The following TNRC6B variants were observed in gnomAD, a reference collection of about 807,000 sequenced individuals.
The protein encoded by TNRC6B is trinucleotide repeat-containing gene 6B protein.
Under a neutral mutation model 203.6 loss-of-function variants are expected in TNRC6B, and 52 were observed. That is an observed-to-expected ratio of 0.26 (90% CI 0.20 to 0.32). The LOEUF is 0.32. TNRC6B is among the 10% of genes least tolerant of loss of function. The pLI, the probability that TNRC6B is intolerant of heterozygous loss-of-function variation, is 1.00. For missense variants in TNRC6B, 1,923 were observed against 2,286.2 expected (o/e 0.84, Z 3.24); for synonymous variants, 838 against 845.7 (o/e 0.99, Z 0.16).
At chr22:40,108,258 G>T (rs1202577148) in intron 1 of TNRC6B, among the ~76,000 whole-genome samples, 1 of 152,200 alleles carries the variant, frequency 6.6e-6, no homozygotes, top group Non-Finnish European at 1.5e-5. Context: ...GGGCAGTAGA[G>T]CCTCCCTGGT....
At chr22:40,083,841 G>T (rs1046965598) in intron 1 of TNRC6B, among the ~76,000 whole-genome samples, 2 of 152,108 alleles carry the variant, frequency 1.3e-5, no homozygotes, top group South Asian at 2.1e-4. Context: ...TGGTATTTTT[G>T]TTCTCAATGA....
chr22:40,144,952 C>T (rs1410580297), intron 3 of TNRC6B, among the ~76,000 whole-genome samples: 2 of 150,894 alleles, frequency 1.3e-5, no homozygotes, highest in South Asian at 2.1e-4. Flanking sequence ...ATCATTAAGG[C>T]TAGGCTCAGT....
intron 3 of TNRC6B, among the ~76,000 whole-genome samples, chr22:40,132,957 A>AT (rs1217784701): frequency 0.012 from 1,051 of 86,664 alleles, 42 homozygotes; most frequent in Middle Eastern, 0.057. Context: ...AAAAAAAAAA[A>AT]AAAAAAAAAA....
At chr22:40,103,567 A>T (rs1414665671) in intron 1 of TNRC6B, among the ~76,000 whole-genome samples, 3 of 152,090 alleles carry the variant, frequency 2.0e-5, no homozygotes, top group Non-Finnish European at 4.4e-5. Context: ...TTATCTATTG[A>T]TTACTTGAAG....
intron 1 of TNRC6B, among the ~76,000 whole-genome samples, chr22:40,078,940 G>A (rs1053459761): frequency 6.6e-6 from 1 of 151,940 alleles, no homozygotes; most frequent in Non-Finnish European, 1.5e-5. Context: ...TGGGCGTGGT[G>A]GTGGGAGCCT....
chr22:40,080,853 A>G (rs1333096722), intron 1 of TNRC6B, among the ~76,000 whole-genome samples: 1 of 128,998 alleles, frequency 7.8e-6, no homozygotes, highest in Non-Finnish European at 1.7e-5. Flanking sequence ...TTTTTTTTTC[A>G]TGTATAACTT....
At chr22:40,303,254 G>T (rs1051472264) in intron 15 of TNRC6B, among the ~76,000 whole-genome samples, 2 of 151,826 alleles carry the variant, frequency 1.3e-5, no homozygotes, top group Non-Finnish European at 2.9e-5. Context: ...TTGAACTCCT[G>T]ACCTCAGGTG....
At chr22:40,195,856 A>G (rs1430565259) in intron 1 of TNRC6B, among the ~76,000 whole-genome samples, 1 of 151,792 alleles carries the variant, frequency 6.6e-6, no homozygotes, top group Non-Finnish European at 1.5e-5. Flanking sequence ...TGCAAGCTCC[A>G]CCTCCCAGGT....
intron 15 of TNRC6B, 155 bp downstream of exon 15, chr22:40,301,488 C>G: frequency 1.2e-6 from 1 of 839,956 alleles, no homozygotes; most frequent in South Asian, 1.9e-5. Context: ...TCTGAGGCTT[C>G]TTGAGTTTCA....
Position 40,266,852 on chromosome 22 carries a change from T to C in TNRC6B, c.2622T>C (p.Gly874=). Residue 874 remains glycine (G), a synonymous_variant, in exon 5 of 23, where the codon GGT becomes GGC. Coordinates refer to ENST00000454349, the MANE Select transcript of TNRC6B (RefSeq NM_001162501.2). The part of the protein sequence containing the change: ...PATPKDEEPS[G]WEEPSPQSIS... ...CACCTAAGGATGAGGAACCCAGTGG[T>C]TGGGAAGAGCCATCCCCACAGTCAA... 1 of 1,613,972 alleles carries C rather than the reference T, an allele frequency of 6.2e-7. No individual in the cohort carries two copies. Among genetic ancestry groups the C allele is most frequent in the Non-Finnish European group, 8.5e-7 (1 of 1,179,884 alleles).
intron 3 of TNRC6B, among the ~76,000 whole-genome samples, chr22:40,141,176 T>C (rs1207924615): frequency 6.6e-6 from 1 of 151,228 alleles, no homozygotes; most frequent in Non-Finnish European, 1.5e-5. Flanking sequence ...TTAACTTCTT[T>C]CCATGGGTGG....
chr22:40,308,668 GC>G lies in TNRC6B; in HGVS notation c.4258+20del. On this transcript the variant is annotated intron_variant, in intron 16 of 22. Transcript: ENST00000454349. ...AAAAATGGTAAGAGAAGCACTGAAA[GC>G]TAGAGCCCCCAACCCACAGCAGGTC... 3 of 1,602,558 alleles carry G rather than the reference GC, an allele frequency of 1.9e-6. No individual in the cohort carries two copies. The highest frequency in any genetic ancestry group is 2.6e-6 in the Non-Finnish European group (3 of 1,174,066).
chr22:40,263,042 A>AT (rs1343855714), intron 4 of TNRC6B, among the ~76,000 whole-genome samples: 1 of 130,306 alleles, frequency 7.7e-6, no homozygotes, highest in Non-Finnish European at 1.8e-5. Flanking sequence ...TCCGTCTTAA[A>AT]AAAAAAAAAA....
chr22:40,270,476 C>T (rs375125744), intron 6 of TNRC6B, among the ~76,000 whole-genome samples, 196 bp downstream of exon 6: 7 of 152,118 alleles, frequency 4.6e-5, no homozygotes, highest in East Asian at 1.9e-4. Context: ...CCCGCCACCA[C>T]GCCCGGCTAA....
In TNRC6B at chr22:40,300,601, T is replaced by G. The variant is rs192633872; in HGVS notation, c.3840+15T>G. Reference sequence around the variant, plus strand: ...AGTTTCAGTTGGTAAGTAGAAGATTTTCTTCCTGTGGCTAAAAAGGTCATT... The same window carrying G: ...AGTTTCAGTTGGTAAGTAGAAGATTGTCTTCCTGTGGCTAAAAAGGTCATT... On this transcript the variant is annotated intron_variant, in intron 13 of 22. Coordinates refer to ENST00000454349, the MANE Select transcript of TNRC6B (RefSeq NM_001162501.2). 4.4e-6 allele frequency: 7 copies of G among 1,590,220 alleles called. No individual in the cohort carries two copies. Among genetic ancestry groups the G allele is most frequent in the Non-Finnish European group, 5.1e-6 (6 of 1,173,804 alleles).
intron 1 of TNRC6B, among the ~76,000 whole-genome samples, chr22:40,232,453 T>C (rs1248667263): frequency 6.6e-6 from 1 of 152,148 alleles, no homozygotes; most frequent in African/African-American, 2.4e-5. Flanking sequence ...GAAAAGGAAG[T>C]TTTAGGACCA....
intron 3 of TNRC6B, among the ~76,000 whole-genome samples, chr22:40,155,313 G>A (rs1039449305): frequency 6.6e-6 from 1 of 152,118 alleles, no homozygotes; most frequent in Non-Finnish European, 1.5e-5. Flanking sequence ...GGGGGAGACG[G>A]AGTCTTGCTC....
At chr22:40,064,902 C>T (rs1211461346) in intron 1 of TNRC6B, among the ~76,000 whole-genome samples, 1 of 152,096 alleles carries the variant, frequency 6.6e-6, no homozygotes, top group Non-Finnish European at 1.5e-5. Flanking sequence ...CAGGCGTGAG[C>T]CACTGCACCT....
chr22:40,144,899 T>C, intron 3 of TNRC6B, among the ~76,000 whole-genome samples: 1 of 151,822 alleles, frequency 6.6e-6, no homozygotes, highest in Non-Finnish European at 1.5e-5. Flanking sequence ...ATTTTCTGTC[T>C]CAATCTATAT....
Sources: allele counts gnomAD v4.1 joint callset (sites outside exome capture counted in the v4.1 genomes callset), GRCh38; gene constraint gnomAD v4.1.1; transcripts MANE v1.5; gene names NCBI Gene and HGNC (gene_info 2026-07-23, HGNC 2026-07-21).